MSRA: variants seen among roughly 807,000 people sequenced by gnomAD.
The protein encoded by MSRA is methionine sulfoxide reductase A, also known as mitochondrial peptide methionine sulfoxide reductase.
A neutral mutation model predicts 31.3 loss-of-function variants in MSRA; 54 were observed. The observed-to-expected ratio is 1.73, with a 90% CI of 1.39 to 2.17. The LOEUF (loss-of-function observed/expected upper bound fraction) is 2.17, where lower values mean the gene tolerates loss of function less well. MSRA is among the 30% of genes most tolerant of loss of function. MSRA has a pLI of 0.00. For synonymous variants in MSRA, 169 were observed against 116.5 expected (o/e 1.45, Z -2.90); for missense variants, 507 against 300.9 (o/e 1.69, Z -5.07).
At chr8:10,203,245 G>A (rs1265833630) in intron 1 of MSRA, among the ~76,000 whole-genome samples, 1 of 152,118 alleles carries the variant, frequency 6.6e-6, no homozygotes, top group African/African-American at 2.4e-5. Context: ...CCTCTCAGTT[G>A]AGACTAGGTA....
intron 4 of MSRA, among the ~76,000 whole-genome samples, chr8:10,316,981 C>T (rs889344974): frequency 1.3e-5 from 2 of 152,166 alleles, no homozygotes; most frequent in African/African-American, 4.8e-5. Flanking sequence ...TGTGCCACTG[C>T]AGCATGCAGG....
intron 1 of MSRA, among the ~76,000 whole-genome samples, chr8:10,162,443 C>T (rs1018614695): frequency 6.6e-6 from 1 of 152,128 alleles, no homozygotes; most frequent in Non-Finnish European, 1.5e-5. Flanking sequence ...CATTGAGTGC[C>T]AACTGTGCTT....
intron 4 of MSRA, among the ~76,000 whole-genome samples, chr8:10,313,065 C>G (rs1220300981): frequency 6.6e-6 from 1 of 152,144 alleles, no homozygotes; most frequent in Non-Finnish European, 1.5e-5. Context: ...CCACTAGATA[C>G]CTATTTATCT....
chr8:10,346,988 GTTAC>G (rs1803819300), intron 5 of MSRA, among the ~76,000 whole-genome samples: 2 of 152,180 alleles, frequency 1.3e-5, no homozygotes, highest in Admixed American at 6.5e-5. Flanking sequence ...AGGTGCTGCT[GTTAC>G]TTGTTCCCTG....
chr8:10,318,533 G>A (rs1432519204), intron 4 of MSRA, among the ~76,000 whole-genome samples: 1 of 152,130 alleles, frequency 6.6e-6, no homozygotes, highest in Non-Finnish European at 1.5e-5. Context: ...AGACATATAG[G>A]AGTTATTCTA....
rs1391976744 is a variant in MSRA at position 10,066,397 on chromosome 8, C to T, written c.142+11739C>T. Among the ~76,000 whole-genome samples the T allele has an allele frequency of 3.3e-5, 5 of 152,182 alleles. No homozygotes were observed. The East Asian group carries it at 9.6e-4, about 29-fold the overall frequency. On this transcript the variant is annotated intron_variant, in intron 1 of 5. Transcript: ENST00000317173. ...GACCCGAGAAAGCATTCTCCAAAAC[C>T]TTTCTCTGTATTCATAAAATCATAC...
intron 2 of MSRA, among the ~76,000 whole-genome samples, chr8:10,237,296 G>C (rs1000227346): frequency 2.0e-5 from 3 of 152,202 alleles, no homozygotes; most frequent in Non-Finnish European, 4.4e-5. Flanking sequence ...TGTTGGGTTA[G>C]GTTACATCTG....
rs770734947 is a variant in MSRA, at chr8:10,054,532, C to T, written c.16C>T (p.Arg6Trp). 12 of 1,585,024 alleles carry T rather than the reference C, an allele frequency of 7.6e-6. No homozygotes were observed. The highest frequency in any genetic ancestry group is 8.6e-7 in the Non-Finnish European group (1 of 1,166,212). Residue 6 changes from arginine to tryptophan, a missense_variant, in exon 1 of 6, where the codon CGG (arginine) becomes TGG (tryptophan). Physicochemically the swap from Arg to Trp is moderately radical, Grantham distance 101. Transcript: ENST00000317173. ...GCGCCCTCCCATGCTCTCGGCCACC[C>T]GGAGGGCTTGCCAGCTCCTCCTCCT... MLSAT[R>W]RACQLLLLHS...
chr8:10,114,455 A>G (rs2129015073), intron 1 of MSRA, among the ~76,000 whole-genome samples: 1 of 152,204 alleles, frequency 6.6e-6, no homozygotes, highest in East Asian at 1.9e-4. Flanking sequence ...TGCTACCAAT[A>G]AAGTATGAGC....
chr8:10,174,829 A>G (rs949388013), intron 1 of MSRA, among the ~76,000 whole-genome samples: 1 of 152,170 alleles, frequency 6.6e-6, no homozygotes, highest in Non-Finnish European at 1.5e-5. Flanking sequence ...TTTGTCAAAA[A>G]ACAAACTCTT....
intron 5 of MSRA, among the ~76,000 whole-genome samples, chr8:10,410,529 T>A (rs1808092286): frequency 6.6e-6 from 1 of 152,214 alleles, no homozygotes; most frequent in African/African-American, 2.4e-5. Flanking sequence ...AATACATGAT[T>A]TCACCTCTTC....
In MSRA at chr8:10,138,266, A is replaced by G. The variant is rs181062252; in HGVS notation, c.143-69567A>G. Among the ~76,000 whole-genome samples the G allele has an allele frequency of 2.2e-4, 33 of 152,322 alleles. No homozygotes were observed. The East Asian group carries it at 4.6e-3, about 21-fold the overall frequency. On this transcript the variant is annotated intron_variant, in intron 1 of 5. Coordinates refer to ENST00000317173, the MANE Select transcript of MSRA (RefSeq NM_012331.5). ...AATTCATTGGTGTCAGCTGGTTTCA[A>G]TAAAGGTGCTATCTAAAGAAAAAGG...
intron 3 of MSRA, among the ~76,000 whole-genome samples, chr8:10,296,832 C>G (rs2129122046): frequency 6.6e-6 from 1 of 152,316 alleles, no homozygotes; most frequent in Middle Eastern, 3.4e-3. Flanking sequence ...ACCTGCCCAG[C>G]AGCAGAGCCA....
chr8:10,286,712 T>C (rs1166228559), intron 3 of MSRA, among the ~76,000 whole-genome samples: 1 of 152,232 alleles, frequency 6.6e-6, no homozygotes, highest in Non-Finnish European at 1.5e-5. Flanking sequence ...AAGAGCAGGC[T>C]CAGTGTATCA....
intron 1 of MSRA, among the ~76,000 whole-genome samples, chr8:10,116,234 A>T (rs988545665): frequency 6.6e-6 from 1 of 152,230 alleles, no homozygotes; most frequent in African/African-American, 2.4e-5. Context: ...ACCCATATTC[A>T]TAAACTTTTT....
chr8:10,197,570 G>A (rs977685477), intron 1 of MSRA, among the ~76,000 whole-genome samples: 1 of 152,176 alleles, frequency 6.6e-6, no homozygotes, highest in African/African-American at 2.4e-5. Context: ...TAAGCACTGT[G>A]CAAATACCAG....
intron 5 of MSRA, among the ~76,000 whole-genome samples, chr8:10,376,356 G>A (rs548112799): frequency 1.3e-5 from 2 of 152,284 alleles, no homozygotes; most frequent in Non-Finnish European, 1.5e-5. Flanking sequence ...GTAGGACTGC[G>A]CCTGTATTTT....
chr8:10,074,348 C>T (rs947705823), intron 1 of MSRA, among the ~76,000 whole-genome samples: 35 of 151,924 alleles, frequency 2.3e-4, no homozygotes, highest in African/African-American at 8.5e-4. Flanking sequence ...TCCCAAAGTG[C>T]TGGGATTACA....
intron 1 of MSRA, among the ~76,000 whole-genome samples, chr8:10,160,367 C>T (rs1185233457): frequency 1.3e-5 from 2 of 151,944 alleles, no homozygotes; most frequent in African/African-American, 2.4e-5. Context: ...TGGTGGTGGG[C>T]CCCTGTAGTC....
Sources: gnomAD v4.1 joint callset for allele counts (sites outside exome capture counted in the v4.1 genomes callset) on GRCh38, gnomAD v4.1.1 for gene constraint, MANE v1.5 for transcripts, NCBI Gene and HGNC (gene_info 2026-07-23, HGNC 2026-07-21) for gene names.